SRGAP2C: variants seen among roughly 807,000 people sequenced by gnomAD.
SRGAP2C encodes SLIT-ROBO Rho GTPase activating protein 2C, also known as SLIT-ROBO Rho GTPase-activating protein 2C.
SRGAP2C carries 15 observed loss-of-function variants against 25.1 expected under a neutral mutation model. The observed-to-expected ratio is 0.60, with a 90% confidence interval of 0.40 to 0.92. SRGAP2C has a LOEUF of 0.92. Ranked by LOEUF, SRGAP2C falls within the 40% of genes least tolerant of loss-of-function variation. SRGAP2C has a pLI of 0.00. For missense variants in SRGAP2C, 144 were observed against 264.4 expected (o/e 0.54, Z 3.16); for synonymous variants, 44 against 96.6 (o/e 0.46, Z 3.19).
At chr1:121,350,694 TTTC>T (rs1241623101) in intron 4 of SRGAP2C, among the ~76,000 whole-genome samples, 4 of 152,148 alleles carry the variant, frequency 2.6e-5, no homozygotes, top group Non-Finnish European at 5.9e-5. Flanking sequence ...TAGGCAATGA[TTTC>T]TTACATATGA....
At chr1:121,359,462 G>A (rs587705973) in intron 4 of SRGAP2C, among the ~76,000 whole-genome samples, 122 of 151,322 alleles carry the variant, frequency 8.1e-4, no homozygotes, top group African/African-American at 2.9e-3. Flanking sequence ...GAAACATCAC[G>A]AGACTCCATA....
intron 2 of SRGAP2C, among the ~76,000 whole-genome samples, chr1:121,218,416 GC>G (rs1212831284): frequency 1.2e-5 from 1 of 84,992 alleles, no homozygotes; most frequent in East Asian, 3.0e-4. Context: ...CTCTATTATT[GC>G]CCCAGCTGGT....
At chr1:121,282,498 A>C (rs1389591647) in intron 2 of SRGAP2C, among the ~76,000 whole-genome samples, 6 of 150,492 alleles carry the variant, frequency 4.0e-5, no homozygotes, top group Admixed American at 6.6e-5. Flanking sequence ...TCCCCTGTAC[A>C]TCTGTTACTG....
intron 4 of SRGAP2C, among the ~76,000 whole-genome samples, chr1:121,339,732 CT>C (rs1452075762): frequency 1.0e-5 from 1 of 97,366 alleles, no homozygotes; most frequent in Non-Finnish European, 2.0e-5. Context: ...GTTTTTCCCC[CT>C]GCTGCTTTCC....
In SRGAP2C at chr1:121,336,703, T is replaced by C. The variant is rs1553342549; in HGVS notation, c.423+12063T>C. ...TTAGTCAAGAACTTTCTCCTTTACA[T>C]TTCAATAAACTTTTGTCTCATCTAA... On this transcript the variant is annotated intron_variant, in intron 4 of 9. Coordinates refer to ENST00000367123, the MANE Select transcript of SRGAP2C (RefSeq NM_001329984.2). Among the ~76,000 whole-genome samples, 562 of 89,668 alleles carry C rather than the reference T, an allele frequency of 6.3e-3. 187 individuals are homozygous for C. The highest frequency in any genetic ancestry group is 0.021 in the African/African-American group (539 of 25,472). 58.8% of individuals were successfully genotyped at this position (89,668 alleles called of 152,430 possible). A position where few individuals can be genotyped will look rare whatever the true frequency, so the allele number is the denominator to read the frequency against.
At chr1:121,264,599 G>A (rs1171189021) in intron 2 of SRGAP2C, among the ~76,000 whole-genome samples, 4 of 147,408 alleles carry the variant, frequency 2.7e-5, no homozygotes, top group African/African-American at 1.0e-4. Flanking sequence ...TTGCCTCTGG[G>A]CCTTTGAACA....
intron 3 of SRGAP2C, among the ~76,000 whole-genome samples, chr1:121,323,477 G>T (rs1257460598): frequency 7.0e-6 from 1 of 143,752 alleles, no homozygotes; most frequent in African/African-American, 2.6e-5. Flanking sequence ...TTAGCTGGGC[G>T]TGGTGGCAGG....
At chr1:121,297,686 C>A (rs1205015605) in intron 3 of SRGAP2C, among the ~76,000 whole-genome samples, 2 of 145,914 alleles carry the variant, frequency 1.4e-5, no homozygotes, top group Non-Finnish European at 3.0e-5. Context: ...ATCACAAGTT[C>A]TGGGAACCAG....
intron 4 of SRGAP2C, among the ~76,000 whole-genome samples, chr1:121,350,056 CTGAG>C (rs1181437667): frequency 1.4e-5 from 2 of 143,756 alleles, no homozygotes; most frequent in Non-Finnish European, 3.0e-5. Context: ...GAAAATATTA[CTGAG>C]TGTCAAAAAG....
intron 4 of SRGAP2C, among the ~76,000 whole-genome samples, chr1:121,337,828 A>AT (rs1156599164): frequency 8.4e-6 from 1 of 119,638 alleles, no homozygotes; most frequent in Non-Finnish European, 1.7e-5. Flanking sequence ...CACAGCAATA[A>AT]TTTTTTTAAA....
At chr1:121,266,034 G>A (rs1351660540) in intron 2 of SRGAP2C, among the ~76,000 whole-genome samples, 7 of 151,840 alleles carry the variant, frequency 4.6e-5, no homozygotes, top group African/African-American at 1.5e-4. Flanking sequence ...GGATACAATG[G>A]TGCAATCTCT....
rs1185568714 is a variant in SRGAP2C, at chr1:121,217,894, C to T, written c.67+30381C>T. 9.9e-5 allele frequency among the ~76,000 whole-genome samples: 15 copies of T among 151,200 alleles called. No individual in the cohort carries two copies. In the East Asian group the frequency reaches 1.6e-3, roughly 16 times the overall value. The stretch of plus-strand genomic sequence containing the variant: ...TACTTGTACCTTTTCTCAACACCTG[C>T]GACATTTTCTTTTTCCAGAGATAGC... On this transcript the variant is annotated intron_variant, in intron 2 of 9. Transcript: ENST00000367123.
chr1:121,285,262 CAT>C (rs1284664597), intron 3 of SRGAP2C, among the ~76,000 whole-genome samples: 1 of 151,056 alleles, frequency 6.6e-6, no homozygotes, highest in Non-Finnish European at 1.5e-5. Context: ...AAGGGCTTTA[CAT>C]ATATGTTAGT....
At chr1:121,186,634 C>G (rs1384672313) in intron 1 of SRGAP2C, among the ~76,000 whole-genome samples, 1 of 151,716 alleles carries the variant, frequency 6.6e-6, no homozygotes, top group Non-Finnish European at 1.5e-5. Context: ...GCCGAGGTGC[C>G]GCATTCCCCG....
chr1:121,332,631 G>A (rs1658456513), intron 4 of SRGAP2C, among the ~76,000 whole-genome samples: 2 of 148,326 alleles, frequency 1.3e-5, no homozygotes, highest in African/African-American at 5.0e-5. Context: ...ATTTCTTTTG[G>A]CACTAAGGAA....
intron 3 of SRGAP2C, among the ~76,000 whole-genome samples, chr1:121,303,309 GATT>G (rs1438669962): frequency 1.7e-5 from 2 of 116,030 alleles, no homozygotes; most frequent in African/African-American, 6.7e-5. Flanking sequence ...TGGACTTGTG[GATT>G]ATTATTTTAT....
intron 2 of SRGAP2C, among the ~76,000 whole-genome samples, chr1:121,237,722 T>C (rs1553328972): frequency 1.3e-5 from 2 of 151,126 alleles, no homozygotes; most frequent in Non-Finnish European, 2.9e-5. Flanking sequence ...TTTTGAGTAA[T>C]AAATTCCCTC....
intron 2 of SRGAP2C, among the ~76,000 whole-genome samples, chr1:121,267,875 C>G (rs1288176307): frequency 1.3e-5 from 2 of 151,168 alleles, no homozygotes; most frequent in Non-Finnish European, 3.0e-5. Context: ...AGGAATAACT[C>G]TTGCTTATTT....
At chr1:121,198,097 G>T (rs1373011081) in intron 2 of SRGAP2C, among the ~76,000 whole-genome samples, 5 of 39,378 alleles carry the variant, frequency 1.3e-4, no homozygotes, top group African/African-American at 4.2e-4. Flanking sequence ...GCAGGAAAAT[G>T]GTCCCTTATG....
Sources: allele counts gnomAD v4.1 joint callset (sites outside exome capture counted in the v4.1 genomes callset), GRCh38; gene constraint gnomAD v4.1.1; transcripts MANE v1.5; gene names NCBI Gene and HGNC (gene_info 2026-07-23, HGNC 2026-07-21).